TFEC: variants seen among roughly 807,000 people sequenced by gnomAD.
TFEC encodes class E basic helix-loop-helix protein 34.
A neutral mutation model predicts 41.6 loss-of-function variants in TFEC; 31 were observed. That is an observed-to-expected ratio of 0.74 (90% CI 0.56 to 1.01). The LOEUF (loss-of-function observed/expected upper bound fraction) is 1.01, where lower values mean the gene tolerates loss of function less well. Among genes scored for constraint, TFEC ranks in the 50% least tolerant of loss-of-function variants. The pLI is 0.00. For synonymous variants in TFEC, 143 were observed against 140.6 expected, an observed-to-expected ratio of 1.02 and a Z score of -0.12; for missense variants, 402 against 404.1, an observed-to-expected ratio of 0.99 and a Z score of 0.04.
chr7:116,122,832 C>T (rs1180117774), intron 1 of TFEC, among the ~76,000 whole-genome samples: 17 of 152,138 alleles, frequency 1.1e-4, no homozygotes, highest in African/African-American at 4.1e-4. Context: ...CTCATTGTGG[C>T]CAACACTGGT....
intron 1 of TFEC, among the ~76,000 whole-genome samples, chr7:116,143,623 C>T (rs1468851127): frequency 6.6e-6 from 1 of 152,142 alleles, no homozygotes; most frequent in East Asian, 1.9e-4. Context: ...TTCTGCACAT[C>T]ACCCCTTGCT....
chr7:116,146,226 G>A (rs1301030476), intron 1 of TFEC, among the ~76,000 whole-genome samples: 7 of 152,164 alleles, frequency 4.6e-5, no homozygotes, highest in African/African-American at 1.7e-4. Flanking sequence ...AATTTGCCCG[G>A]TACTGCTTGC....
chr7:116,000,170 A>G (rs889580094), intron 1 of TFEC, among the ~76,000 whole-genome samples: 4 of 152,152 alleles, frequency 2.6e-5, no homozygotes, highest in Admixed American at 2.0e-4. Flanking sequence ...ACATATGCAA[A>G]ATAATGTGAT....
chr7:116,113,565 C>A (rs1014303573), intron 1 of TFEC, among the ~76,000 whole-genome samples: 1 of 151,898 alleles, frequency 6.6e-6, no homozygotes, highest in African/African-American at 2.4e-5. Context: ...AATGAGTACA[C>A]CATCCTATAA....
chr7:116,126,498 A>G (rs905908157), intron 1 of TFEC, among the ~76,000 whole-genome samples: 2 of 152,300 alleles, frequency 1.3e-5, no homozygotes, highest in East Asian at 3.9e-4. Flanking sequence ...ATTAGTTTCC[A>G]GATGGAAAAG....
chr7:116,065,496 T>G (rs747600790), intron 3 of TFEC, among the ~76,000 whole-genome samples: 1 of 151,962 alleles, frequency 6.6e-6, no homozygotes, highest in Non-Finnish European at 1.5e-5. Flanking sequence ...TGGGAGTGAG[T>G]GGAGGAAAGA....
intron 1 of TFEC, among the ~76,000 whole-genome samples, chr7:116,134,219 A>G (rs951226970): frequency 3.3e-5 from 5 of 152,220 alleles, no homozygotes; most frequent in Non-Finnish European, 7.3e-5. Context: ...GTGTAAGTTC[A>G]GAAACTTTTA....
chr7:116,108,940 C>T (rs1374359568), intron 3 of TFEC, among the ~76,000 whole-genome samples: 1 of 152,094 alleles, frequency 6.6e-6, no homozygotes, highest in African/African-American at 2.4e-5. Flanking sequence ...AAAAACAGTC[C>T]TTCCCAAACC....
intron 3 of TFEC, among the ~76,000 whole-genome samples, chr7:116,049,425 G>T (rs751586983): frequency 6.6e-6 from 1 of 152,180 alleles, no homozygotes; most frequent in Non-Finnish European, 1.5e-5. Flanking sequence ...AACAAGAAGA[G>T]CTAACTATAC....
At chr7:116,065,930 G>T (rs1796684808) in intron 3 of TFEC, among the ~76,000 whole-genome samples, 1 of 152,064 alleles carries the variant, frequency 6.6e-6, no homozygotes, top group African/African-American at 2.4e-5. Flanking sequence ...AGAGAAGAGG[G>T]CTTCCTAGGC....
At chr7:116,045,156 T>C (rs2130933621) in intron 3 of TFEC, among the ~76,000 whole-genome samples, 1 of 152,314 alleles carries the variant, frequency 6.6e-6, no homozygotes, top group Admixed American at 6.5e-5. Flanking sequence ...TGGAACTCCC[T>C]AGAGACTTGT....
rs1791821412 is a variant in TFEC at position 115,949,670 on chromosome 7, C to A, written c.515+1204G>T. Among the ~76,000 whole-genome samples the A allele has an allele frequency of 2.0e-5, 3 of 151,846 alleles. No individual in the cohort carries two copies. In the South Asian group the frequency reaches 6.2e-4, roughly 32 times the overall value. On this transcript the variant is annotated intron_variant, in intron 6 of 7. Transcript: ENST00000265440. ...ATATGGAGAAAGCTGAAACTGGATC[C>A]CTTCCTTACACCTTATACAAAAATC...
At chr7:116,056,504 G>T (rs963476772) in intron 3 of TFEC, among the ~76,000 whole-genome samples, 3 of 152,134 alleles carry the variant, frequency 2.0e-5, no homozygotes, top group East Asian at 3.8e-4. Flanking sequence ...ACAGTGACCA[G>T]TTCTCACACC....
intron 3 of TFEC, among the ~76,000 whole-genome samples, chr7:116,053,096 A>G (rs1187202895): frequency 6.6e-6 from 1 of 152,074 alleles, no homozygotes; most frequent in Non-Finnish European, 1.5e-5. Flanking sequence ...AAGAAATGTC[A>G]TGGAAGGTTA....
At chr7:115,977,983 A>G (rs1186842238) in intron 2 of TFEC, among the ~76,000 whole-genome samples, 1 of 152,070 alleles carries the variant, frequency 6.6e-6, no homozygotes, top group Non-Finnish European at 1.5e-5. Flanking sequence ...TGGAAGATAG[A>G]AAAAAGAGGG....
chr7:116,090,181 C>T (rs1369771188), intron 3 of TFEC, among the ~76,000 whole-genome samples: 1 of 152,298 alleles, frequency 6.6e-6, no homozygotes, highest in African/African-American at 2.4e-5. Context: ...ATTTTTGCAA[C>T]CAATTAGACG....
chr7:116,058,442 G>A (rs1388328476), intron 3 of TFEC, among the ~76,000 whole-genome samples: 2 of 117,356 alleles, frequency 1.7e-5, no homozygotes, highest in Non-Finnish European at 3.8e-5. Flanking sequence ...GTACCATTAA[G>A]TCAGATATCT....
chr7:116,012,842 A>G, intron 1 of TFEC, among the ~76,000 whole-genome samples: 1 of 150,766 alleles, frequency 6.6e-6, no homozygotes. Context: ...AAAAAAAAAA[A>G]AACCCAAACA....
At chr7:116,069,932 G>A (rs1300536332) in intron 3 of TFEC, among the ~76,000 whole-genome samples, 1 of 151,458 alleles carries the variant, frequency 6.6e-6, no homozygotes, top group Admixed American at 6.6e-5. Context: ...GAATTTCTCA[G>A]ATCTGCTTCT....
Sources: allele counts gnomAD v4.1 joint callset (sites outside exome capture counted in the v4.1 genomes callset), GRCh38; gene constraint gnomAD v4.1.1; transcripts MANE v1.5; gene names NCBI Gene and HGNC (gene_info 2026-07-23, HGNC 2026-07-21).